ENTREP2: variants seen among roughly 807,000 people sequenced by gnomAD.
The protein encoded by ENTREP2 is endosomal transmembrane epsin interactor 2.
the ENTREP2 span, among the ~76,000 whole-genome samples, chr15:29,411,923 T>C: frequency 1.3e-5 from 2 of 152,190 alleles, no homozygotes; most frequent in African/African-American, 4.8e-5. Flanking sequence ...GGCTCTATCT[T>C]ATGTTTTGCT....
chr15:29,127,973 C>T, the ENTREP2 span, among the ~76,000 whole-genome samples: 2 of 152,224 alleles, frequency 1.3e-5, no homozygotes, highest in African/African-American at 2.4e-5. Context: ...CCAAATCCCA[C>T]GACTGCAAAG....
At chr15:29,607,219 T>G in the ENTREP2 span, among the ~76,000 whole-genome samples, 5 of 152,178 alleles carry the variant, frequency 3.3e-5, no homozygotes, top group African/African-American at 9.7e-5. Context: ...TTGCTTTGGT[T>G]TTCTTCATGA....
At chr15:29,179,900 A>C in the ENTREP2 span, among the ~76,000 whole-genome samples, 1 of 152,066 alleles carries the variant, frequency 6.6e-6, no homozygotes, top group Non-Finnish European at 1.5e-5. Flanking sequence ...TGGAGTCTTA[A>C]ACTTGGGAGT....
the ENTREP2 span, among the ~76,000 whole-genome samples, chr15:29,382,581 G>A: frequency 6.6e-6 from 1 of 152,146 alleles, no homozygotes; most frequent in Non-Finnish European, 1.5e-5. Context: ...TCCTGCCCTT[G>A]ACCTTGCCTG....
At chr15:29,123,378 C>G in the ENTREP2 span, 6 of 1,544,004 alleles carry the variant, frequency 3.9e-6, no homozygotes, top group Non-Finnish European at 5.3e-6. Flanking sequence ...AGACGGCCTC[C>G]TCCTCGAGGC....
At chr15:29,575,543 C>T in the ENTREP2 span, among the ~76,000 whole-genome samples, 3 of 152,072 alleles carry the variant, frequency 2.0e-5, no homozygotes, top group African/African-American at 7.2e-5. Context: ...TAAAGGACAT[C>T]CAAATTGTAA....
chr15:29,367,424 G>A, the ENTREP2 span, among the ~76,000 whole-genome samples: 2 of 152,064 alleles, frequency 1.3e-5, no homozygotes, highest in African/African-American at 2.4e-5. Context: ...CTTTTCCCTG[G>A]GGGTGACTGT....
chr15:29,254,427 A>G, the ENTREP2 span, among the ~76,000 whole-genome samples: 3 of 152,186 alleles, frequency 2.0e-5, no homozygotes, highest in African/African-American at 7.2e-5. Context: ...ATTTATTTGT[A>G]AATTTATTTC....
At chr15:29,285,054 G>A in the ENTREP2 span, among the ~76,000 whole-genome samples, 1 of 152,190 alleles carries the variant, frequency 6.6e-6, no homozygotes, top group Non-Finnish European at 1.5e-5. Flanking sequence ...TCTCCTCCAG[G>A]TGGGATGAGA....
chr15:29,487,339 G>C, the ENTREP2 span, among the ~76,000 whole-genome samples: 8 of 152,138 alleles, frequency 5.3e-5, no homozygotes, highest in Non-Finnish European at 1.0e-4. Context: ...GTATAAACAA[G>C]AAATGAAGGT....
At chr15:29,627,127 G>A in the ENTREP2 span, among the ~76,000 whole-genome samples, 2 of 152,082 alleles carry the variant, frequency 1.3e-5, no homozygotes, top group African/African-American at 4.8e-5. Context: ...CAGTGCTTTA[G>A]CTGCATGTCA....
chr15:29,229,517 T>C, the ENTREP2 span, among the ~76,000 whole-genome samples: 1 of 152,204 alleles, frequency 6.6e-6, no homozygotes, highest in Non-Finnish European at 1.5e-5. Context: ...AAACCACTAC[T>C]ATCTGGTTTC....
chr15:29,613,124 CT>C, the ENTREP2 span, among the ~76,000 whole-genome samples: 1 of 152,328 alleles, frequency 6.6e-6, no homozygotes, highest in African/African-American at 2.4e-5. Context: ...CTCCCTGAAC[CT>C]TTTCTAACAA....
At chr15:29,406,373 C>T in the ENTREP2 span, among the ~76,000 whole-genome samples, 6 of 152,122 alleles carry the variant, frequency 3.9e-5, no homozygotes, top group Admixed American at 1.3e-4. Flanking sequence ...ATGGCGAAAC[C>T]GCATCTCTAC....
chr15:29,158,268 G>A, the ENTREP2 span, among the ~76,000 whole-genome samples: 1 of 152,152 alleles, frequency 6.6e-6, no homozygotes, highest in Non-Finnish European at 1.5e-5. Flanking sequence ...GTATTCATTT[G>A]AAATACATGC....
At chr15:29,345,433 C>T in the ENTREP2 span, among the ~76,000 whole-genome samples, 50 of 152,136 alleles carry the variant, frequency 3.3e-4, no homozygotes, top group African/African-American at 1.1e-3. Flanking sequence ...GCTGGGCAAG[C>T]ACACCCCACC....
At chr15:29,599,901 G>C in the ENTREP2 span, among the ~76,000 whole-genome samples, 1 of 152,198 alleles carries the variant, frequency 6.6e-6, no homozygotes, top group African/African-American at 2.4e-5. Flanking sequence ...CAAAGCACCA[G>C]CTCTCCAGGT....
At chr15:29,241,042 C>T in the ENTREP2 span, among the ~76,000 whole-genome samples, 2 of 152,118 alleles carry the variant, frequency 1.3e-5, no homozygotes, top group Non-Finnish European at 2.9e-5. Flanking sequence ...ACCTAAATTT[C>T]TAGTTTCTGT....
chr15:29,615,269 C>T, the ENTREP2 span, among the ~76,000 whole-genome samples: 10 of 152,104 alleles, frequency 6.6e-5, no homozygotes, highest in African/African-American at 2.4e-4. Context: ...GATTCTGCTG[C>T]CTCAGCTTCC....
Sources: gnomAD v4.1 joint callset for allele counts (sites outside exome capture counted in the v4.1 genomes callset) on GRCh38, gnomAD v4.1.1 for gene constraint, MANE v1.5 for transcripts, NCBI Gene and HGNC (gene_info 2026-07-23, HGNC 2026-07-21) for gene names.